CEACAM19: variants seen among roughly 807,000 people sequenced by gnomAD.
CEACAM19 encodes cell adhesion molecule CEACAM19.
CEACAM19 carries 37 observed loss-of-function variants against 37.6 expected under a neutral mutation model. The observed-to-expected ratio is 0.98, with a 90% confidence interval of 0.76 to 1.29. The LOEUF is 1.29. Among genes scored for constraint, CEACAM19 ranks in the 50% most tolerant of loss-of-function variants. The pLI is 0.00. For missense variants in CEACAM19, 340 were observed against 375.6 expected, an observed-to-expected ratio of 0.91 and a Z score of 0.78; for synonymous variants, 140 against 149.8, an observed-to-expected ratio of 0.93 and a Z score of 0.48.
chr19:44,683,590 G>T lies in CEACAM19; in HGVS notation c.*100G>T. The T allele has an allele frequency of 1.4e-6, 1 of 709,164 alleles. No homozygotes were observed. 43.9% of individuals were successfully genotyped at this position (709,164 alleles called of 1,614,324 possible). ...GCAGGACAAGGCCATTGGGGGCTGT[G>T]GGGCCGATGAGGTGGACTCAGCCAA... On this transcript the variant is annotated 3_prime_UTR_variant, in exon 8 of 8. Transcript: ENST00000358777.
In CEACAM19 at chr19:44,676,362, T is replaced by C. The variant is rs933862136; in HGVS notation, c.516T>C (p.Leu172=). The C allele has an allele frequency of 2.5e-6, 4 of 1,614,124 alleles. No homozygotes were observed. Among genetic ancestry groups the C allele is most frequent in the Non-Finnish European group, 3.4e-6 (4 of 1,180,018 alleles). The change falls in exon 3 of 8, where the codon CTT becomes CTC. Residue 172 remains leucine, a synonymous_variant. Transcript: ENST00000358777. ...TIIGSLAAGA[L]LISCIAYLLV... is the part of the protein sequence containing the mutation. Reference sequence around the variant, plus strand: ...TTGGATCTCTTGCTGCCGGGGCCCTTCTCATCAGCTGCATTGCCTATCTCC... The same window carrying C: ...TTGGATCTCTTGCTGCCGGGGCCCTCCTCATCAGCTGCATTGCCTATCTCC...
upstream of CEACAM19, among the ~76,000 whole-genome samples, chr19:44,667,579 A>G (rs1466321491): frequency 8.7e-6 from 1 of 114,710 alleles, no homozygotes; most frequent in African/African-American, 3.3e-5. Context: ...TATATAAATT[A>G]TATATGTATA....
In CEACAM19 at chr19:44,671,995, G is replaced by A. The variant is rs1973863712; in HGVS notation, c.55+9G>A. Reference sequence around the variant, plus strand: ...GAGCCTCCTGCTCTCAGGTAAGGAGGAAATAGACCCTAAAGGCCAAGGGGA... The same window carrying A: ...GAGCCTCCTGCTCTCAGGTAAGGAGAAAATAGACCCTAAAGGCCAAGGGGA... On this transcript the variant is annotated intron_variant, in intron 1 of 7. Coordinates refer to ENST00000358777, the MANE Select transcript of CEACAM19 (RefSeq NM_001127893.3). The A allele has an allele frequency of 6.3e-7, 1 of 1,599,766 alleles. No individual in the cohort carries two copies. Among genetic ancestry groups the A allele is most frequent in the Non-Finnish European group, 8.5e-7 (1 of 1,172,244 alleles).
At chr19:44,666,526 C>T (rs1289057018), upstream of CEACAM19, among the ~76,000 whole-genome samples, 6 of 152,132 alleles carry the variant, frequency 3.9e-5, no homozygotes, top group Non-Finnish European at 5.9e-5. Context: ...AAAAATAAGC[C>T]GGGCGTGGTG....
chr19:44,676,178 ATG>A, intron 2 of CEACAM19, 91 bp from the exon 3 acceptor site: 1 of 1,294,770 alleles, frequency 7.7e-7, no homozygotes, highest in Non-Finnish European at 1.1e-6. Flanking sequence ...TCAGTTCTCC[ATG>A]CAGTCACTGA....
chr19:44,682,448 C>A (rs1974077707), intron 6 of CEACAM19, 119 bp from the exon 7 acceptor site: 1 of 977,634 alleles, frequency 1.0e-6, no homozygotes, highest in Non-Finnish European at 1.6e-6. Context: ...TGCCCAGGGG[C>A]CTCACAGTCT....
At chr19:44,678,776 T>G in intron 3 of CEACAM19, 77 bp from the exon 4 acceptor site, 2 of 1,528,332 alleles carry the variant, frequency 1.3e-6, no homozygotes, top group Non-Finnish European at 1.8e-6. Context: ...TTTTCCTTCA[T>G]AGGGAAGGAT....
intron 3 of CEACAM19, 66 bp from the exon 4 acceptor site, chr19:44,678,787 G>A (rs981844210): frequency 2.5e-6 from 4 of 1,579,884 alleles, no homozygotes; most frequent in African/African-American, 1.4e-5. Flanking sequence ...AGGGAAGGAT[G>A]TTGCTCTCTG....
At chr19:44,676,244 T>C in intron 2 of CEACAM19, 27 bp from the exon 3 acceptor site, 1 of 1,611,502 alleles carries the variant, frequency 6.2e-7, no homozygotes, top group Non-Finnish European at 8.5e-7. Flanking sequence ...CAGTCCCCCC[T>C]CTCTCTTTCT....
At chr19:44,678,727 A>C in intron 3 of CEACAM19, 126 bp from the exon 4 acceptor site, 2 of 1,377,388 alleles carry the variant, frequency 1.5e-6, no homozygotes, top group Non-Finnish European at 1.9e-6. Context: ...TTTTTACTCA[A>C]AACCGCACAC....
At chr19:44,668,942 C>T (rs1314368449), upstream of CEACAM19, among the ~76,000 whole-genome samples, 1 of 146,578 alleles carries the variant, frequency 6.8e-6, no homozygotes, top group South Asian at 2.1e-4. Flanking sequence ...GCCTCAGCCT[C>T]CCGAGTAGCT....
At chr19:44,669,200 G>T (rs1973817756), upstream of CEACAM19, among the ~76,000 whole-genome samples, 1 of 151,598 alleles carries the variant, frequency 6.6e-6, no homozygotes, top group Non-Finnish European at 1.5e-5. Flanking sequence ...GTTCACTGCA[G>T]CCTTGACCTC....
chr19:44,680,768 A>G (rs867212961), intron 5 of CEACAM19, among the ~76,000 whole-genome samples: 1 of 152,144 alleles, frequency 6.6e-6, no homozygotes, highest in African/African-American at 2.4e-5. Flanking sequence ...TCTCCTTAAC[A>G]TGGTTCTCAA....
At chr19:44,667,177 CA>C (rs1973728165), upstream of CEACAM19, 1 of 151,676 alleles carries the variant, frequency 6.6e-6, no homozygotes, top group South Asian at 2.1e-4. Context: ...AAGATACCAT[CA>C]CCCCCAACAA....
intron 3 of CEACAM19, 87 bp from the exon 4 acceptor site, chr19:44,678,766 T>G: frequency 1.0e-4 from 134 of 1,286,004 alleles, no homozygotes; most frequent in East Asian, 2.6e-4. Flanking sequence ...CCCCTCTCCA[T>G]TTTCCTTCAT....
upstream of CEACAM19, among the ~76,000 whole-genome samples, chr19:44,668,688 A>T (rs1478977704): frequency 2.6e-3 from 207 of 79,254 alleles, 10 homozygotes; most frequent in African/African-American, 0.013. Flanking sequence ...ATATATTATA[A>T]TATATTATAT....
intron 7 of CEACAM19, 110 bp downstream of exon 7, chr19:44,682,730 C>T (rs560893483): frequency 8.3e-5 from 84 of 1,012,398 alleles, no homozygotes; most frequent in African/African-American, 7.8e-4. Flanking sequence ...TTCCTCCCCT[C>T]GTCCCCCCAA....
At chr19:44,683,127 C>T (rs1278405105) in intron 7 of CEACAM19, 1 of 300,692 alleles carries the variant, frequency 3.3e-6, no homozygotes, top group Non-Finnish European at 6.1e-6. Context: ...TTTCTGTTTC[C>T]AGTTTGTTCA....
At chr19:44,674,223 G>C (rs1973906191) in intron 2 of CEACAM19, among the ~76,000 whole-genome samples, 1 of 150,014 alleles carries the variant, frequency 6.7e-6, no homozygotes, top group Non-Finnish European at 1.5e-5. Flanking sequence ...CTGGGCAACA[G>C]AGCAAGACTC....
Sources: gnomAD v4.1 joint callset for allele counts (sites outside exome capture counted in the v4.1 genomes callset) on GRCh38, gnomAD v4.1.1 for gene constraint, MANE v1.5 for transcripts, NCBI Gene and HGNC (gene_info 2026-07-23, HGNC 2026-07-21) for gene names.